Variants in MECOM observed in about 807,000 individuals in gnomAD.
MECOM encodes MDS1 and EVI1 complex locus.
A neutral mutation model predicts 116.3 loss-of-function variants in MECOM; 13 were observed. That is an observed-to-expected ratio of 0.11 (90% CI 0.07 to 0.18). The LOEUF (loss-of-function observed/expected upper bound fraction) is 0.18. Among genes scored for constraint, MECOM ranks in the 10% least tolerant of loss-of-function variants. The probability of loss-of-function intolerance (pLI) is 1.00; values close to 1 mark genes in which losing one functional copy is unlikely to be tolerated. For synonymous variants in MECOM, 528 were observed against 535.2 expected, an observed-to-expected ratio of 0.99 and a Z score of 0.19; for missense variants, 1,299 against 1,509.0, an observed-to-expected ratio of 0.86 and a Z score of 2.31.
chr3:169,301,481 T>C (rs1716704975), intron 2 of MECOM, among the ~76,000 whole-genome samples: 1 of 152,220 alleles, frequency 6.6e-6, no homozygotes, highest in South Asian at 2.1e-4. Context: ...TCAACAATAG[T>C]GGCATGTCCT....
At chr3:169,449,794 G>T (rs1745250134) in intron 1 of MECOM, among the ~76,000 whole-genome samples, 1 of 152,166 alleles carries the variant, frequency 6.6e-6, no homozygotes, top group Admixed American at 6.6e-5. Flanking sequence ...ACCATCAGCT[G>T]TAATTGGCTG....
chr3:169,142,764 G>A (rs1738522006), intron 3 of MECOM, among the ~76,000 whole-genome samples: 1 of 151,934 alleles, frequency 6.6e-6, no homozygotes. Context: ...CCAATTGACA[G>A]TAGCTTTATT....
intron 2 of MECOM, among the ~76,000 whole-genome samples, chr3:169,379,744 A>G (rs1732089230): frequency 6.6e-6 from 1 of 152,098 alleles, no homozygotes; most frequent in South Asian, 2.1e-4. Flanking sequence ...TTAACTGTGG[A>G]GATTTTGTAA....
intron 2 of MECOM, among the ~76,000 whole-genome samples, chr3:169,363,015 C>T (rs753012836): frequency 6.6e-6 from 1 of 151,890 alleles, no homozygotes; most frequent in East Asian, 1.9e-4. Flanking sequence ...AGATGAAAAT[C>T]GCTTAGATTA....
At chr3:169,252,163 A>G (rs990460075) in intron 2 of MECOM, among the ~76,000 whole-genome samples, 6 of 152,312 alleles carry the variant, frequency 3.9e-5, no homozygotes, top group African/African-American at 1.4e-4. Flanking sequence ...AACTCTGTCT[A>G]TTAAAATGTT....
rs1179571506 is a variant in MECOM, at chr3:169,495,081, C to T, written c.38-113557G>A. 2.0e-5 allele frequency among the ~76,000 whole-genome samples: 3 copies of T among 152,238 alleles called. No individual in the cohort carries two copies. The East Asian group carries it at 5.8e-4, about 29-fold the overall frequency. On this transcript the variant is annotated intron_variant, in intron 1 of 16. Transcript: ENST00000651503. ...ATACAGTTGAGGACAGTTATTAAGT[C>T]ACCTCTAAACCTTCTCAATACCGGT...
intron 2 of MECOM, among the ~76,000 whole-genome samples, chr3:169,309,901 C>T (rs1176964449): frequency 1.3e-5 from 2 of 152,158 alleles, no homozygotes; most frequent in Non-Finnish European, 2.9e-5. Flanking sequence ...ATGTGTGATG[C>T]TATGAAGTGC....
rs758434724 is a variant in MECOM at position 169,095,164 on chromosome 3, T to C, written c.2931A>G (p.Pro977=). The C allele has an allele frequency of 1.9e-6, 3 of 1,613,778 alleles. No individual in the cohort carries two copies. The highest frequency in any genetic ancestry group is 1.7e-5 in the Admixed American group (1 of 60,012). The stretch of plus-strand genomic sequence containing the variant: ...ACCTATCACATAAGTGACACTTAAA[T>C]GGCTTCTCTTTATTGTGGATGTTGC... ...HVRNIHNKEK[P]FKCHLCDRCF... is the part of the protein sequence containing the mutation. The change falls in exon 13 of 17, where the codon CCA becomes CCG. Residue 977 remains proline (P), a synonymous_variant. Coordinates refer to ENST00000651503, the MANE Select transcript of MECOM (RefSeq NM_004991.4).
At chr3:169,089,715 G>C (rs1331132220) in intron 15 of MECOM, among the ~76,000 whole-genome samples, 1 of 151,938 alleles carries the variant, frequency 6.6e-6, no homozygotes, top group African/African-American at 2.4e-5. Context: ...GAGTTTTATA[G>C]GTAGAGTCTA....
intron 2 of MECOM, among the ~76,000 whole-genome samples, chr3:169,178,877 C>T (rs1272392322): frequency 6.6e-6 from 1 of 152,138 alleles, no homozygotes; most frequent in Non-Finnish European, 1.5e-5. Context: ...TTTAGTAACA[C>T]TGAACACTTT....
chr3:169,482,443 T>C (rs1214968642), intron 1 of MECOM, among the ~76,000 whole-genome samples: 2 of 150,278 alleles, frequency 1.3e-5, no homozygotes, highest in Non-Finnish European at 2.9e-5. Flanking sequence ...GCCATTCTCC[T>C]GCCTCAGCCT....
chr3:169,230,114 T>C (rs1053433880), intron 2 of MECOM, among the ~76,000 whole-genome samples: 1 of 152,132 alleles, frequency 6.6e-6, no homozygotes, highest in Non-Finnish European at 1.5e-5. Flanking sequence ...ATTTCTCAGG[T>C]GTCTTGAGGC....
intron 2 of MECOM, among the ~76,000 whole-genome samples, chr3:169,300,778 A>G (rs1716555861): frequency 6.6e-6 from 1 of 152,162 alleles, no homozygotes; most frequent in Non-Finnish European, 1.5e-5. Context: ...CGATAACCCA[A>G]ACGGGTTCCA....
intron 1 of MECOM, among the ~76,000 whole-genome samples, chr3:169,498,082 T>G (rs1479822688): frequency 6.6e-6 from 1 of 152,238 alleles, no homozygotes; most frequent in Non-Finnish European, 1.5e-5. Context: ...TTCTTCTTCA[T>G]TAATGTTTAA....
At chr3:169,130,452 GC>G in intron 4 of MECOM, among the ~76,000 whole-genome samples, 2 of 149,786 alleles carry the variant, frequency 1.3e-5, no homozygotes, top group South Asian at 2.1e-4. Flanking sequence ...TACCAAAAGC[GC>G]CCCCCGCCCC....
At chr3:169,191,711 A>C (rs1161229376) in intron 2 of MECOM, among the ~76,000 whole-genome samples, 13 of 46,286 alleles carry the variant, frequency 2.8e-4, no homozygotes, top group African/African-American at 7.7e-4. Flanking sequence ...AAAGAAAGAA[A>C]GAAAGAAAAA....
intron 1 of MECOM, among the ~76,000 whole-genome samples, chr3:169,406,096 C>T (rs960080586): frequency 6.6e-6 from 1 of 152,220 alleles, no homozygotes. Context: ...CTCATACATA[C>T]ACTTTGATTT....
chr3:169,541,818 C>T (rs11720701), intron 1 of MECOM, among the ~76,000 whole-genome samples: 31,527 of 152,112 alleles, frequency 0.21, 4,371 homozygotes, highest in East Asian at 0.68. Flanking sequence ...CAGAACTGCC[C>T]GAAAGGTGAT....
chr3:169,145,175 C>T, intron 2 of MECOM: 1 of 475,406 alleles, frequency 2.1e-6, no homozygotes, highest in Non-Finnish European at 3.5e-6. Context: ...CACACACACA[C>T]ACACACACAC....
Sources: gnomAD v4.1 joint callset for allele counts (sites outside exome capture counted in the v4.1 genomes callset) on GRCh38, gnomAD v4.1.1 for gene constraint, MANE v1.5 for transcripts, NCBI Gene and HGNC (gene_info 2026-07-23, HGNC 2026-07-21) for gene names.